Variants in RSRC1 observed in about 807,000 individuals in gnomAD.
RSRC1 encodes the protein serine/Arginine-related protein 53.
RSRC1 carries 39 observed loss-of-function variants against 49.1 expected under a neutral mutation model. The observed-to-expected ratio is 0.79, with a 90% CI of 0.61 to 1.04. The LOEUF is 1.04. Ranked by LOEUF, RSRC1 falls within the 50% of genes least tolerant of loss-of-function variation. The probability of loss-of-function intolerance (pLI) is 0.00; values close to 1 mark genes in which losing one functional copy is unlikely to be tolerated. For synonymous variants in RSRC1, 143 were observed against 130.8 expected, an observed-to-expected ratio of 1.09 and a Z score of -0.63; for missense variants, 388 against 402.4, an observed-to-expected ratio of 0.96 and a Z score of 0.31.
chr3:158,218,177 G>A (rs916823958), intron 4 of RSRC1, among the ~76,000 whole-genome samples: 5 of 151,638 alleles, frequency 3.3e-5, no homozygotes, highest in African/African-American at 9.7e-5. Context: ...GTAGCAGGAT[G>A]CCTTTGAAGT....
rs555432127 is a variant in RSRC1, at chr3:158,385,936, G to T, written c.583+31028G>T. On this transcript the variant is annotated intron_variant, in intron 6 of 9. Transcript: ENST00000611884. ...TATCATAGAAAACTCTTTGACTAAT[G>T]TGCTGTCTAAAGAAGCATGTGGATT... Among the ~76,000 whole-genome samples, 7 of 152,222 alleles carry T rather than the reference G, an allele frequency of 4.6e-5. No individual in the cohort carries two copies. In the South Asian group the frequency reaches 1.2e-3, roughly 27 times the overall value.
At chr3:158,222,444 TATTAGCC>T (rs1722274808) in intron 4 of RSRC1, among the ~76,000 whole-genome samples, 1 of 151,536 alleles carries the variant, frequency 6.6e-6, no homozygotes, top group South Asian at 2.1e-4. Context: ...GTAGTGTGTA[TATTAGCC>T]CAGTTTAGTC....
intron 6 of RSRC1, among the ~76,000 whole-genome samples, chr3:158,435,262 T>A (rs893070474): frequency 3.3e-5 from 5 of 151,830 alleles, no homozygotes; most frequent in Non-Finnish European, 5.9e-5. Flanking sequence ...CTGCTTAACT[T>A]GTAGGTCTTA....
intron 7 of RSRC1, among the ~76,000 whole-genome samples, chr3:158,494,309 T>C (rs1300422644): frequency 6.6e-6 from 1 of 152,164 alleles, no homozygotes; most frequent in Non-Finnish European, 1.5e-5. Flanking sequence ...AAAAGTTTGG[T>C]AAAAATATGA....
chr3:158,443,769 C>CTTA (rs1736516463), intron 6 of RSRC1, among the ~76,000 whole-genome samples: 1 of 152,138 alleles, frequency 6.6e-6, no homozygotes, highest in African/African-American at 2.4e-5. Flanking sequence ...TTTTGACATG[C>CTTA]GTTCTCACTA....
Position 158,275,967 on chromosome 3 carries a change from C to A in RSRC1, c.495-22072C>A. Reference sequence around the variant, plus strand: ...ATTTCCCTGTGCTTGTGGACTGGTTCGGTGATCCATGGGTGTCAGGATTTC... The same window carrying A: ...ATTTCCCTGTGCTTGTGGACTGGTTAGGTGATCCATGGGTGTCAGGATTTC... On this transcript the variant is annotated intron_variant, in intron 4 of 9. Transcript: ENST00000611884. 9.3e-6 allele frequency: 7 copies of A among 755,034 alleles called. No individual in the cohort carries two copies. The South Asian group carries it at 9.4e-5, about 10-fold the overall frequency. The allele number at this position is 755,034 out of a possible 1,614,324, so 46.8% of individuals were successfully genotyped here. A position where few individuals can be genotyped will look rare whatever the true frequency, so the allele number is the denominator to read the frequency against.
intron 7 of RSRC1, among the ~76,000 whole-genome samples, chr3:158,479,283 A>G (rs1237272044): frequency 6.7e-6 from 1 of 148,870 alleles, no homozygotes; most frequent in Non-Finnish European, 1.5e-5. Context: ...AATTAATAAA[A>G]TAATACAAAA....
At chr3:158,226,709 A>T (rs962047181) in intron 4 of RSRC1, among the ~76,000 whole-genome samples, 10 of 151,816 alleles carry the variant, frequency 6.6e-5, no homozygotes, top group African/African-American at 2.4e-4. Flanking sequence ...ATTTTCCTCT[A>T]CAAGTTTTTA....
At chr3:158,113,420 G>A (rs1054177804) in intron 1 of RSRC1, among the ~76,000 whole-genome samples, 4 of 149,706 alleles carry the variant, frequency 2.7e-5, no homozygotes, top group African/African-American at 9.9e-5. Context: ...CCAGGCTGGA[G>A]TGCAGTGGTG....
chr3:158,517,145 G>T (rs1358696145), intron 7 of RSRC1, among the ~76,000 whole-genome samples: 3 of 151,826 alleles, frequency 2.0e-5, no homozygotes, highest in African/African-American at 7.3e-5. Context: ...TTTATTCCTA[G>T]TTGCCTTATA....
chr3:158,516,764 G>A (rs1444569070), intron 7 of RSRC1, among the ~76,000 whole-genome samples: 2 of 152,300 alleles, frequency 1.3e-5, no homozygotes, highest in South Asian at 2.1e-4. Context: ...TGGGCGTAGG[G>A]CCCTCCGAGC....
At chr3:158,129,684 T>G (rs12486461) in intron 3 of RSRC1, among the ~76,000 whole-genome samples, 108,116 of 151,992 alleles carry the variant, frequency 0.71, 39,197 homozygotes, top group African/African-American at 0.83. Flanking sequence ...ATTGTTTATT[T>G]GGTTCCATTC....
intron 7 of RSRC1, among the ~76,000 whole-genome samples, chr3:158,535,681 A>G (rs576109874): frequency 6.6e-6 from 1 of 151,468 alleles, no homozygotes; most frequent in Non-Finnish European, 1.5e-5. Flanking sequence ...TTATATTGAA[A>G]GGATATAGGA....
At chr3:158,321,916 T>G (rs1247235742) in intron 5 of RSRC1, among the ~76,000 whole-genome samples, 1 of 151,718 alleles carries the variant, frequency 6.6e-6, no homozygotes, top group Non-Finnish European at 1.5e-5. Context: ...AATATTAGTT[T>G]TTGCTTTTAT....
intron 6 of RSRC1, among the ~76,000 whole-genome samples, chr3:158,359,798 G>A (rs1017781066): frequency 4.6e-5 from 7 of 152,124 alleles, no homozygotes; most frequent in African/African-American, 1.7e-4. Context: ...CCTATTCATT[G>A]GATCCTGAGT....
chr3:158,155,602 T>TC (rs2108217622), intron 3 of RSRC1, among the ~76,000 whole-genome samples: 1 of 150,628 alleles, frequency 6.6e-6, no homozygotes, highest in South Asian at 2.1e-4. Context: ...TAGCTACTTT[T>TC]TTTTTTTTTT....
intron 6 of RSRC1, among the ~76,000 whole-genome samples, chr3:158,403,944 T>G (rs1734019554): frequency 6.6e-6 from 1 of 151,860 alleles, no homozygotes; most frequent in Non-Finnish European, 1.5e-5. Context: ...TTCCACTTAA[T>G]GTGAATTTTG....
intron 3 of RSRC1, among the ~76,000 whole-genome samples, chr3:158,194,328 A>G (rs1207309504): frequency 2.6e-5 from 4 of 151,882 alleles, no homozygotes; most frequent in Non-Finnish European, 5.9e-5. Flanking sequence ...AGAAGAAAAG[A>G]AAAGAAAAAG....
rs940702066 is a variant in RSRC1 at position 158,288,500 on chromosome 3, G to A, written c.495-9539G>A. On this transcript the variant is annotated intron_variant, in intron 4 of 9. Coordinates refer to ENST00000611884, the MANE Select transcript of RSRC1 (RefSeq NM_001271838.2). ...AAGAGAGTTGTCATTGATTATGAAT[G>A]TTTGTCCTGCGTGTGGGAAGTACCA... Among the ~76,000 whole-genome samples, 3 of 152,296 alleles carry A rather than the reference G, an allele frequency of 2.0e-5. No individual in the cohort carries two copies. The East Asian group carries it at 5.8e-4, about 29-fold the overall frequency.
Sources: allele counts gnomAD v4.1 joint callset (sites outside exome capture counted in the v4.1 genomes callset), GRCh38; gene constraint gnomAD v4.1.1; transcripts MANE v1.5; gene names NCBI Gene and HGNC (gene_info 2026-07-23, HGNC 2026-07-21).